The following PIGH variants were observed in gnomAD, a reference collection of about 807,000 sequenced individuals.
The protein encoded by PIGH is phosphatidylinositol N-acetylglucosaminyltransferase subunit H.
Under a neutral mutation model 20.1 loss-of-function variants are expected in PIGH, and 11 were observed. The observed-to-expected ratio is 0.55, with a 90% CI of 0.34 to 0.91. The LOEUF (loss-of-function observed/expected upper bound fraction) is 0.91, where lower values mean the gene tolerates loss of function less well. Ranked by LOEUF, PIGH falls within the 40% of genes least tolerant of loss-of-function variation. PIGH has a pLI of 0.02. For synonymous variants in PIGH, 72 were observed against 93.1 expected, an observed-to-expected ratio of 0.77 and a Z score of 1.31; for missense variants, 189 against 233.6, an observed-to-expected ratio of 0.81 and a Z score of 1.24.
At chr14:67,596,909 TACTGTAATA>T (rs2036486172) in intron 1 of PIGH, among the ~76,000 whole-genome samples, 2 of 152,232 alleles carry the variant, frequency 1.3e-5, no homozygotes, top group African/African-American at 4.8e-5. Context: ...TCTTTTCCCC[TACTGTAATA>T]GTTCCTGAAT....
intron 1 of PIGH, among the ~76,000 whole-genome samples, 153 bp downstream of exon 1, chr14:67,599,871 A>T (rs921695981): frequency 6.6e-5 from 10 of 152,184 alleles, no homozygotes. Context: ...CCAGCAGCGG[A>T]ATATCGTCCC....
Position 67,600,209 on chromosome 14 carries a change from C to G in PIGH, c.-6G>C, listed in dbSNP as rs2036554275. ...AAGCTCCGCTCATCCTCCATGACGC[C>G]CCCACTCGGCCGCCCGCACCGCGCG... On this transcript the variant is annotated 5_prime_UTR_variant, in exon 1 of 4. Coordinates refer to ENST00000216452, the MANE Select transcript of PIGH (RefSeq NM_004569.5). 1 of 1,563,566 alleles carries G rather than the reference C, an allele frequency of 6.4e-7. No homozygotes were observed. Among genetic ancestry groups the G allele is most frequent in the African/African-American group, 1.4e-5 (1 of 73,346 alleles).
chr14:67,594,190 A>C (rs1376151725), intron 1 of PIGH, among the ~76,000 whole-genome samples: 1 of 152,206 alleles, frequency 6.6e-6, no homozygotes, highest in African/African-American at 2.4e-5. Flanking sequence ...TTCCAACTTT[A>C]GGGCCTAAAT....
intron 1 of PIGH, among the ~76,000 whole-genome samples, chr14:67,597,484 A>C (rs2036496080): frequency 6.6e-6 from 1 of 151,092 alleles, no homozygotes; most frequent in African/African-American, 2.4e-5. Flanking sequence ...TCTCAAAAAA[A>C]ACAAAGAAAC....
Position 67,590,124 on chromosome 14 carries a change from G to A in PIGH, c.523C>T (p.Gln175Ter). ...DCLIEVYRSC[Q>*]EILAHQKATS... Reference sequence around the variant, plus strand: ...GCTTTCTGGTGTGCCAGGATCTCCTGGCAGCTCCTGTATACTTCAATCAAG... The same window carrying A: ...GCTTTCTGGTGTGCCAGGATCTCCTAGCAGCTCCTGTATACTTCAATCAAG... The change falls in exon 4 of 4, where the codon CAG becomes TAG. Residue 175 changes from glutamine (Q) to a stop codon, truncating the protein, a stop_gained. Transcript: ENST00000216452. LOFTEE classifies it high-confidence loss of function. 6.4e-7 allele frequency: 1 copy of A among 1,551,202 alleles called. No homozygotes were observed. The highest frequency in any genetic ancestry group is 8.7e-7 in the Non-Finnish European group (1 of 1,146,816).
At chr14:67,599,647 A>G (rs931665855) in intron 1 of PIGH, among the ~76,000 whole-genome samples, 4 of 152,212 alleles carry the variant, frequency 2.6e-5, no homozygotes, top group Non-Finnish European at 4.4e-5. Context: ...AGCAGAAGGG[A>G]TGGACGAGGA....
chr14:67,590,412 C>G (rs1262196113), intron 3 of PIGH, among the ~76,000 whole-genome samples: 2 of 152,040 alleles, frequency 1.3e-5, no homozygotes, highest in Non-Finnish European at 2.9e-5. Context: ...GCCACCACGC[C>G]CAGTGGCACA....
chr14:67,590,229 G>T, intron 3 of PIGH, 57 bp from the exon 4 acceptor site: 1 of 1,361,836 alleles, frequency 7.3e-7, no homozygotes, highest in South Asian at 1.4e-5. Flanking sequence ...GGAGTGCAGT[G>T]GTGCTGCATC....
intron 1 of PIGH, among the ~76,000 whole-genome samples, chr14:67,595,948 T>C (rs1339703850): frequency 6.6e-6 from 1 of 152,232 alleles, no homozygotes; most frequent in East Asian, 1.9e-4. Flanking sequence ...ATTTTAGTTG[T>C]TCTGTGTTAC....
At chr14:67,593,572 G>C (rs1259417030) in intron 2 of PIGH, 171 bp downstream of exon 2, 1 of 572,826 alleles carries the variant, frequency 1.7e-6, no homozygotes, top group South Asian at 2.3e-5. Flanking sequence ...AGATAAAGTT[G>C]AAATGCTAAT....
intron 1 of PIGH, 148 bp downstream of exon 1, chr14:67,599,876 C>G (rs1358551248): frequency 8.1e-6 from 5 of 616,520 alleles, no homozygotes; most frequent in Admixed American, 6.4e-5. Context: ...AGCGGAATAT[C>G]GTCCCCAGAA....
intron 2 of PIGH, 79 bp downstream of exon 2, chr14:67,593,664 T>C (rs2036418132): frequency 1.3e-6 from 1 of 796,650 alleles, no homozygotes; most frequent in Non-Finnish European, 2.2e-6. Flanking sequence ...TTTACGGTTT[T>C]AGTTTAAATC....
At chr14:67,592,598 G>A (rs2036393669) in intron 3 of PIGH, 37 bp downstream of exon 3, 1 of 1,194,220 alleles carries the variant, frequency 8.4e-7, no homozygotes. Context: ...AAAGGTTGAG[G>A]AGTAATTGGA....
chr14:67,600,228 C>T lies in PIGH; in HGVS notation c.-25G>A. 6.5e-7 allele frequency: 1 copy of T among 1,542,144 alleles called. No homozygotes were observed. The highest frequency in any genetic ancestry group is 8.7e-7 in the Non-Finnish European group (1 of 1,145,196). The stretch of plus-strand genomic sequence containing the variant: ...TGACGCCCCCACTCGGCCGCCCGCA[C>T]CGCGCGGCGCTGCACTGCGCTCGCC... On this transcript the variant is annotated 5_prime_UTR_variant, in exon 1 of 4. It adds an upstream start codon to the 5' untranslated region. Transcript: ENST00000216452.
At chr14:67,595,016 A>C (rs567776635) in intron 1 of PIGH, among the ~76,000 whole-genome samples, 2 of 152,186 alleles carry the variant, frequency 1.3e-5, no homozygotes, top group South Asian at 4.1e-4. Context: ...AGGCACCTGT[A>C]GTCCCAGCTA....
intron 3 of PIGH, chr14:67,592,347 G>A: frequency 2.2e-6 from 1 of 448,668 alleles, no homozygotes; most frequent in East Asian, 4.9e-5. Flanking sequence ...GGCTGAGGCA[G>A]GAGGATTTCT....
chr14:67,592,295 C>A, intron 3 of PIGH: 1 of 418,254 alleles, frequency 2.4e-6, no homozygotes, highest in South Asian at 1.9e-5. Flanking sequence ...AAAAAATTAG[C>A]CAGGCGAGAT....
chr14:67,599,528 A>G (rs540373320), intron 1 of PIGH, among the ~76,000 whole-genome samples: 1 of 152,316 alleles, frequency 6.6e-6, no homozygotes, highest in Non-Finnish European at 1.5e-5. Flanking sequence ...AGAGATTAGG[A>G]AGAACTATAA....
At chr14:67,595,426 A>G (rs1453408703) in intron 1 of PIGH, among the ~76,000 whole-genome samples, 2 of 152,242 alleles carry the variant, frequency 1.3e-5, no homozygotes, top group Non-Finnish European at 2.9e-5. Context: ...GTGCAAAATC[A>G]TAGACTGAAC....
Sources: allele counts gnomAD v4.1 joint callset (sites outside exome capture counted in the v4.1 genomes callset), GRCh38; gene constraint gnomAD v4.1.1; transcripts MANE v1.5; gene names NCBI Gene and HGNC (gene_info 2026-07-23, HGNC 2026-07-21).